The following TNR variants were observed in gnomAD, a reference collection of about 807,000 sequenced individuals.
The protein encoded by TNR is tenascin-R.
In TNR, 45 loss-of-function variants were observed where a neutral mutation model predicts 150.4. The observed-to-expected ratio is 0.30, with a 90% confidence interval of 0.24 to 0.38. TNR has a LOEUF of 0.38. Among genes scored for constraint, TNR ranks in the 10% least tolerant of loss-of-function variants. TNR has a pLI of 1.00. For missense variants in TNR, 1,544 were observed against 1,759.1 expected (o/e 0.88, Z 2.19); for synonymous variants, 687 against 678.4 (o/e 1.01, Z -0.20).
rs1304972763 is a variant in TNR, at chr1:175,406,240, A to G, written c.475T>C (p.Cys159Arg). 1.9e-6 allele frequency: 3 copies of G among 1,613,912 alleles called. No homozygotes were observed. The highest frequency in any genetic ancestry group is 2.5e-6 in the Non-Finnish European group (3 of 1,179,960). The change falls in exon 3 of 23, where the codon TGC becomes CGC. Residue 159 changes from cysteine to arginine, a missense_variant. Physicochemically the swap from Cys to Arg is radical, Grantham distance 180. This residue lies in a region of TNR where 1,254 missense variants were observed against 1,329.4 expected (regional missense o/e 0.94). Transcript: ENST00000367674. ...CCTGTGGCAGCACTTTCTTGGCAGC[A>G]GTTGGCGTTGCACTGGTCTCGCAGC... ...SVLRDQCNANCCQESAATGQL... is the reference protein window; with the variant it reads ...SVLRDQCNANRCQESAATGQL...
intron 1 of TNR, among the ~76,000 whole-genome samples, chr1:175,666,259 C>A (rs551616957): frequency 6.6e-6 from 1 of 152,162 alleles, no homozygotes; most frequent in African/African-American, 2.4e-5. Context: ...GGGACATTGC[C>A]TGGCTTTATC....
At position 175,692,992 on chromosome 1, in the gene TNR, A is replaced by G. The variant is rs1296976870; in HGVS notation, c.-165+50234T>C. 2.0e-5 allele frequency among the ~76,000 whole-genome samples: 3 copies of G among 152,206 alleles called. No homozygotes were observed. The South Asian group carries it at 6.2e-4, about 32-fold the overall frequency. On this transcript the variant is annotated intron_variant, in intron 1 of 22. Coordinates refer to ENST00000367674, the MANE Select transcript of TNR (RefSeq NM_003285.3). Reference sequence around the variant, plus strand: ...ATCTACTCTGTGCAGGCACTGTTCCAGGTGCTTGCAATATGCCATTGAGGA... The same window carrying G: ...ATCTACTCTGTGCAGGCACTGTTCCGGGTGCTTGCAATATGCCATTGAGGA...
At chr1:175,739,076 G>A (rs1667851445) in intron 1 of TNR, among the ~76,000 whole-genome samples, 1 of 152,044 alleles carries the variant, frequency 6.6e-6, no homozygotes. Flanking sequence ...TTACTCTGTG[G>A]GATCCCAGCT....
In TNR at chr1:175,531,118, A is replaced by G. The variant is rs149136923; in HGVS notation, c.-164-2749T>C. On this transcript the variant is annotated intron_variant, in intron 1 of 22. Coordinates refer to ENST00000367674, the MANE Select transcript of TNR (RefSeq NM_003285.3). ...GTATTCCAGTCCTATCCTCTTTTCCACTTAACCAGTTTTATTTATTTAAAC... is the reference window on the plus strand; with the variant it reads ...GTATTCCAGTCCTATCCTCTTTTCCGCTTAACCAGTTTTATTTATTTAAAC... Among the ~76,000 whole-genome samples, 255 of 152,298 alleles carry G rather than the reference A, an allele frequency of 1.7e-3. 3 individuals are homozygous for G. In the South Asian group the frequency reaches 0.022, roughly 13 times the overall value.
chr1:175,369,591 G>A (rs144979125), intron 9 of TNR, among the ~76,000 whole-genome samples: 3 of 152,316 alleles, frequency 2.0e-5, no homozygotes, highest in African/African-American at 7.2e-5. Context: ...TGAGGGGACT[G>A]TTATTCAACA....
intron 1 of TNR, among the ~76,000 whole-genome samples, chr1:175,702,696 C>G (rs565332301): frequency 6.6e-6 from 1 of 152,326 alleles, no homozygotes; most frequent in Non-Finnish European, 1.5e-5. Context: ...AGTGTCTGCA[C>G]TACAGTGACA....
chr1:175,585,640 T>C (rs1417005884), intron 1 of TNR, among the ~76,000 whole-genome samples: 5 of 152,158 alleles, frequency 3.3e-5, no homozygotes, highest in African/African-American at 1.2e-4. Flanking sequence ...ACCTTAATAG[T>C]ATAATAGCAT....
chr1:175,505,563 G>A (rs1284636127), intron 2 of TNR, among the ~76,000 whole-genome samples: 4 of 152,186 alleles, frequency 2.6e-5, no homozygotes, highest in South Asian at 2.1e-4. Flanking sequence ...CATTACCCAC[G>A]CCCGAACCAG....
At chr1:175,526,727 A>G (rs528113350) in intron 2 of TNR, among the ~76,000 whole-genome samples, 1 of 152,366 alleles carries the variant, frequency 6.6e-6, no homozygotes, top group East Asian at 1.9e-4. Context: ...GTGAGATAGA[A>G]GCAGGCAAGC....
At position 175,471,380 on chromosome 1, in the gene TNR, A is replaced by G. The variant is rs996100903; in HGVS notation, c.-64+56889T>C. Among the ~76,000 whole-genome samples the G allele has an allele frequency of 3.3e-5, 5 of 152,330 alleles. No homozygotes were observed. In the South Asian group the frequency reaches 1.0e-3, roughly 32 times the overall value. On this transcript the variant is annotated intron_variant, in intron 2 of 22. Coordinates refer to ENST00000367674, the MANE Select transcript of TNR (RefSeq NM_003285.3). ...TGTGTCGTTAGTCGACTGTGTGAAC[A>G]TCATAGAATGCACTTACACAAACCT...
At chr1:175,620,971 C>T (rs1663953016) in intron 1 of TNR, among the ~76,000 whole-genome samples, 1 of 152,226 alleles carries the variant, frequency 6.6e-6, no homozygotes, top group Non-Finnish European at 1.5e-5. Flanking sequence ...GTGCTGAGAG[C>T]ACTCTGAATG....
intron 2 of TNR, among the ~76,000 whole-genome samples, 164 bp downstream of exon 2, chr1:175,528,104 GC>G (rs1222199255): frequency 1.3e-5 from 2 of 152,160 alleles, no homozygotes; most frequent in African/African-American, 4.8e-5. Flanking sequence ...ACTGCATGAA[GC>G]CCAGAGGAGC....
chr1:175,527,740 T>C (rs1443913204), intron 2 of TNR, among the ~76,000 whole-genome samples: 1 of 152,172 alleles, frequency 6.6e-6, no homozygotes, highest in African/African-American at 2.4e-5. Flanking sequence ...TTTAGACATA[T>C]ATATGTGGTA....
intron 9 of TNR, among the ~76,000 whole-genome samples, chr1:175,374,414 T>G (rs897456503): frequency 2.6e-5 from 4 of 152,220 alleles, no homozygotes; most frequent in African/African-American, 9.6e-5. Flanking sequence ...TGTGTACGTA[T>G]GAGGGCATGA....
intron 1 of TNR, among the ~76,000 whole-genome samples, chr1:175,590,120 A>G (rs963132152): frequency 6.6e-6 from 1 of 152,226 alleles, no homozygotes; most frequent in Non-Finnish European, 1.5e-5. Flanking sequence ...TATAGTTAAT[A>G]GTATTGTATT....
intron 9 of TNR, among the ~76,000 whole-genome samples, chr1:175,371,082 C>CAA (rs1464180128): frequency 1.3e-5 from 2 of 150,104 alleles, no homozygotes; most frequent in Non-Finnish European, 3.0e-5. Flanking sequence ...AAAAAAAAAA[C>CAA]CACATGTATC....
Position 175,406,530 on chromosome 1 carries a change from G to A in TNR, c.185C>T (p.Pro62Leu), listed in dbSNP as rs766116033. Residue 62 changes from proline to leucine, a missense_variant, in exon 3 of 23, where the codon CCT becomes CTT. Around this residue, in one of 2 missense-constraint regions of TNR, gnomAD observed 1,254 missense variants for 1,329.4 expected, o/e 0.94. Transcript: ENST00000367674. The part of the protein sequence containing the change: ...ANYNTSSKEQ[P>L]VVFNHVYNIN... ...GTTGTACACGTGGTTGAAGACCACA[G>A]GCTGCTCTTTGCTGGATGTGTTGTA... 2 of 1,614,098 alleles carry A rather than the reference G, an allele frequency of 1.2e-6. No homozygotes were observed. The highest frequency in any genetic ancestry group is 1.1e-5 in the South Asian group (1 of 91,088).
intron 1 of TNR, among the ~76,000 whole-genome samples, chr1:175,549,944 G>A (rs1157468707): frequency 6.6e-6 from 1 of 152,224 alleles, no homozygotes; most frequent in Admixed American, 6.5e-5. Flanking sequence ...AAAACTGTGA[G>A]ATAGTTAATT....
At chr1:175,423,141 T>C (rs943249934) in intron 2 of TNR, among the ~76,000 whole-genome samples, 14 of 152,356 alleles carry the variant, frequency 9.2e-5, no homozygotes, top group Admixed American at 5.2e-4. Flanking sequence ...TGCAATAGCA[T>C]TTCATAAGCT....
Sources: allele counts gnomAD v4.1 joint callset (sites outside exome capture counted in the v4.1 genomes callset), GRCh38; gene constraint gnomAD v4.1.1; regional missense constraint gnomAD v4.1.1; transcripts MANE v1.5; gene names NCBI Gene and HGNC (gene_info 2026-07-23, HGNC 2026-07-21).